Variants in NRIP1 observed in about 807,000 individuals in gnomAD.
NRIP1 encodes nuclear receptor-interacting protein 1.
A neutral mutation model predicts 75.0 loss-of-function variants in NRIP1; 28 were observed. The observed-to-expected ratio is 0.37, with a 90% CI of 0.28 to 0.51. The LOEUF (loss-of-function observed/expected upper bound fraction) is 0.51. Among genes scored for constraint, NRIP1 ranks in the 20% least tolerant of loss-of-function variants. The pLI, the probability that NRIP1 is intolerant of heterozygous loss-of-function variation, is 0.92. For synonymous variants in NRIP1, 526 were observed against 487.6 expected, an observed-to-expected ratio of 1.08 and a Z score of -1.04; for missense variants, 1,435 against 1,343.7, an observed-to-expected ratio of 1.07 and a Z score of -1.06.
chr21:15,024,456 T>A (rs929146487), intron 2 of NRIP1, among the ~76,000 whole-genome samples: 2 of 151,952 alleles, frequency 1.3e-5, no homozygotes, highest in African/African-American at 2.4e-5. Flanking sequence ...GCAGGAGAAT[T>A]GCTTGAACCC....
intron 3 of NRIP1, among the ~76,000 whole-genome samples, chr21:14,996,969 A>G (rs967078510): frequency 6.6e-6 from 1 of 152,134 alleles, no homozygotes; most frequent in African/African-American, 2.4e-5. Flanking sequence ...TATAAGTACT[A>G]TCCAGTTAAA....
intron 1 of NRIP1, among the ~76,000 whole-genome samples, chr21:15,045,638 T>C (rs2089056399): frequency 6.6e-6 from 1 of 152,338 alleles, no homozygotes; most frequent in African/African-American, 2.4e-5. Flanking sequence ...ACAATGAAGT[T>C]TGCCACATCG....
intron 2 of NRIP1, among the ~76,000 whole-genome samples, chr21:15,024,465 C>T (rs938848891): frequency 6.6e-6 from 1 of 152,016 alleles, no homozygotes; most frequent in African/African-American, 2.4e-5. Context: ...TTGCTTGAAC[C>T]CAGGAGGCGG....
At chr21:15,034,014 TAAATAA>T (rs1190226768) in intron 2 of NRIP1, among the ~76,000 whole-genome samples, 1 of 152,222 alleles carries the variant, frequency 6.6e-6, no homozygotes, top group African/African-American at 2.4e-5. Flanking sequence ...CTAGACTCTT[TAAATAA>T]AAATATGTTC....
chr21:15,010,180 A>G (rs1345183641), intron 3 of NRIP1, among the ~76,000 whole-genome samples: 2 of 152,218 alleles, frequency 1.3e-5, no homozygotes, highest in Non-Finnish European at 2.9e-5. Context: ...TGACGTTAGA[A>G]TCAGAAAATT....
Position 14,980,021 on chromosome 21 carries a change from G to A in NRIP1, c.-334-11495C>T, listed in dbSNP as rs2087187753. Reference sequence around the variant, plus strand: ...AGTAGTATGCTCTGCAATGCCTTGGGTCACTTGTTCCCAAAAACACAGACT... The same window carrying A: ...AGTAGTATGCTCTGCAATGCCTTGGATCACTTGTTCCCAAAAACACAGACT... On this transcript the variant is annotated intron_variant, in intron 3 of 3. Transcript: ENST00000318948. 2.6e-5 allele frequency among the ~76,000 whole-genome samples: 4 copies of A among 152,044 alleles called. No individual in the cohort carries two copies. The South Asian group carries it at 8.3e-4, about 32-fold the overall frequency.
At chr21:15,054,819 G>T (rs2823027) in intron 1 of NRIP1, among the ~76,000 whole-genome samples, 18,758 of 152,092 alleles carry the variant, frequency 0.12, 1,298 homozygotes, top group East Asian at 0.31. Context: ...TCCTATTCAT[G>T]GAGTTCTACC....
chr21:15,042,048 C>T (rs2088966461), intron 2 of NRIP1, among the ~76,000 whole-genome samples: 1 of 152,134 alleles, frequency 6.6e-6, no homozygotes, highest in Non-Finnish European at 1.5e-5. Context: ...AAGTTCAATG[C>T]AGCATGCTGG....
intron 1 of NRIP1, chr21:15,050,536 A>G (rs571289954): frequency 2.3e-5 from 8 of 348,302 alleles, no homozygotes; most frequent in African/African-American, 8.6e-5. Flanking sequence ...GCTACAATCC[A>G]GAACTGAAAA....
intron 2 of NRIP1, among the ~76,000 whole-genome samples, chr21:15,015,953 G>A (rs1795242330): frequency 1.3e-5 from 2 of 152,080 alleles, no homozygotes; most frequent in African/African-American, 4.8e-5. Context: ...ACTCCTAAGA[G>A]GCAGTGCACA....
chr21:14,995,767 G>C (rs537468567), intron 3 of NRIP1, among the ~76,000 whole-genome samples: 89 of 98,312 alleles, frequency 9.1e-4, no homozygotes, highest in Non-Finnish European at 1.9e-3. Flanking sequence ...CTGTGTGTGC[G>C]TGTGTGTGTG....
In NRIP1 at chr21:14,962,018, TATATATA is replaced by T. The variant is rs1568930061; in HGVS notation, c.*2691_*2697del. The T allele has an allele frequency of 4.0e-3, 46 of 11,442 alleles. No individual in the cohort carries two copies. In the African/African-American group the frequency reaches 0.094, roughly 23 times the overall value. 0.7% of individuals were successfully genotyped at this position (11,442 alleles called of 1,614,324 possible). On this transcript the variant is annotated 3_prime_UTR_variant, in exon 4 of 4. Transcript: ENST00000318948. ...TCAATATATATATATATACATATTATATATATATATATATATATATATATAAAATATA... is the reference window on the plus strand; with the variant it reads ...TCAATATATATATATATACATATTATTATATATATATATATATAAAATATA...
intron 1 of NRIP1, among the ~76,000 whole-genome samples, chr21:15,060,969 T>C (rs1035910687): frequency 1.3e-5 from 2 of 152,264 alleles, no homozygotes; most frequent in Middle Eastern, 3.4e-3. Flanking sequence ...TTAGTGGCCA[T>C]AGTGGTGTTA....
chr21:15,064,236 C>A (rs1600950328), intron 1 of NRIP1, among the ~76,000 whole-genome samples: 1 of 152,172 alleles, frequency 6.6e-6, no homozygotes, highest in South Asian at 2.1e-4. Flanking sequence ...GGCCCGGGGT[C>A]GGGTGGGGGC....
At position 14,967,215 on chromosome 21, in the gene NRIP1, A is replaced by T. The variant is rs115584205; in HGVS notation, c.978T>A (p.Asn326Lys). ...TGCTTGATGATGTTCTTGCCTGACCATTAAGATGGCTTGACATTCCTTTTG... is the reference window on the plus strand; with the variant it reads ...TGCTTGATGATGTTCTTGCCTGACCTTTAAGATGGCTTGACATTCCTTTTG... ...QLPKGMSSHL[N>K]GQARTSSSKL... Residue 326 changes from asparagine to lysine, a missense_variant, in exon 4 of 4, where the codon AAT (asparagine) becomes AAA (lysine). Coordinates refer to ENST00000318948, the MANE Select transcript of NRIP1 (RefSeq NM_003489.4). 1,100 of 1,614,058 alleles carry T rather than the reference A, an allele frequency of 6.8e-4. 6 individuals carry two copies. In the African/African-American group the frequency reaches 0.013, roughly 19 times the overall value.
chr21:14,966,371 G>C lies in NRIP1; in HGVS notation c.1822C>G (p.Pro608Ala). The change falls in exon 4 of 4, where the codon CCA becomes GCA. Residue 608 changes from proline (P) to alanine (A), a missense_variant. By Grantham distance (27) the Pro-to-Ala change is conservative (BLOSUM62 -1). Coordinates refer to ENST00000318948, the MANE Select transcript of NRIP1 (RefSeq NM_003489.4). ...HSMDLTKSKD[P>A]PGEKPAQNEG... ...TTTTGGGCTGGTTTCTCTCCTGGTG[G>C]GTCTTTGCTTTTTGTAAGGTCCATT... The C allele has an allele frequency of 6.2e-7, 1 of 1,613,944 alleles. No individual in the cohort carries two copies.
At chr21:14,977,834 C>T (rs1193914320) in intron 3 of NRIP1, among the ~76,000 whole-genome samples, 2 of 152,020 alleles carry the variant, frequency 1.3e-5, no homozygotes, top group Admixed American at 1.3e-4. Flanking sequence ...TTAACAGATG[C>T]CAAAAATAAT....
intron 1 of NRIP1, among the ~76,000 whole-genome samples, chr21:15,057,005 GAC>G (rs374034526): frequency 2.0e-5 from 3 of 152,218 alleles, no homozygotes; most frequent in East Asian, 1.9e-4. Context: ...TCTCCCTCCT[GAC>G]ACAGTCTACC....
chr21:14,983,969 T>C (rs1277490628), intron 3 of NRIP1, among the ~76,000 whole-genome samples: 1 of 152,218 alleles, frequency 6.6e-6, no homozygotes, highest in African/African-American at 2.4e-5. Flanking sequence ...TACAAGGAGA[T>C]TAATGTTGTT....
Sources: allele counts gnomAD v4.1 joint callset (sites outside exome capture counted in the v4.1 genomes callset), GRCh38; gene constraint gnomAD v4.1.1; transcripts MANE v1.5; gene names NCBI Gene and HGNC (gene_info 2026-07-23, HGNC 2026-07-21).